The following PARVB variants were observed in gnomAD, a reference collection of about 807,000 sequenced individuals.
PARVB encodes the protein parvin beta, also known as beta-parvin.
Under a neutral mutation model 47.0 loss-of-function variants are expected in PARVB, and 46 were observed. That is an observed-to-expected ratio of 0.98 (90% CI 0.77 to 1.25). The LOEUF is 1.25. Among genes scored for constraint, PARVB ranks in the 50% most tolerant of loss-of-function variants. The pLI is 0.00. For synonymous variants in PARVB, 196 were observed against 196.3 expected (o/e 1.00, Z 0.01); for missense variants, 473 against 471.6 (o/e 1.00, Z -0.03).
chr22:44,021,270 G>C (rs2050644852), upstream of PARVB, among the ~76,000 whole-genome samples: 1 of 152,176 alleles, frequency 6.6e-6, no homozygotes, highest in East Asian at 1.9e-4. Flanking sequence ...CTGAAATGGG[G>C]GTCCCGTGAC....
intron 1 of PARVB, among the ~76,000 whole-genome samples, chr22:44,037,349 G>A (rs1234953317): frequency 6.6e-6 from 1 of 152,160 alleles, no homozygotes; most frequent in Non-Finnish European, 1.5e-5. Context: ...CTTGAGCCTG[G>A]GAGGTGGAGG....
At chr22:44,084,572 C>T (rs986002471) in intron 1 of PARVB, among the ~76,000 whole-genome samples, 11 of 152,220 alleles carry the variant, frequency 7.2e-5, no homozygotes, top group Admixed American at 1.3e-4. Flanking sequence ...GGTCTGGCAT[C>T]TTGGTTCTTT....
chr22:44,057,100 T>C (rs1248107981), intron 1 of PARVB, among the ~76,000 whole-genome samples: 2 of 151,988 alleles, frequency 1.3e-5, no homozygotes, highest in Non-Finnish European at 2.9e-5. Flanking sequence ...TCTTTTTTTT[T>C]TGTCCTGCGT....
At chr22:44,022,550 C>T (rs1330433169), upstream of PARVB, among the ~76,000 whole-genome samples, 4 of 152,006 alleles carry the variant, frequency 2.6e-5, no homozygotes, top group Non-Finnish European at 5.9e-5. Flanking sequence ...CTGGCACCAA[C>T]TTGACCAACA....
At chr22:44,071,953 G>A (rs1363172956) in intron 1 of PARVB, among the ~76,000 whole-genome samples, 1 of 152,210 alleles carries the variant, frequency 6.6e-6, no homozygotes, top group African/African-American at 2.4e-5. Flanking sequence ...CTGCGTCTCT[G>A]CCAGTTGCTG....
intron 1 of PARVB, among the ~76,000 whole-genome samples, chr22:44,084,584 C>A (rs549483108): frequency 2.6e-5 from 4 of 152,180 alleles, no homozygotes; most frequent in Non-Finnish European, 5.9e-5. Flanking sequence ...TGGTTCTTTC[C>A]GCTGCGTTCT....
At chr22:44,073,856 A>G (rs1005694844) in intron 1 of PARVB, among the ~76,000 whole-genome samples, 2 of 152,226 alleles carry the variant, frequency 1.3e-5, no homozygotes, top group Admixed American at 6.5e-5. Context: ...TGCACACAGG[A>G]GATCCTCAAA....
At position 44,151,540 on chromosome 22, in the gene PARVB, C is replaced by G; in HGVS notation, c.832C>G (p.Leu278Val). The change falls in exon 10 of 13, where the codon CTG (leucine) becomes GTG (valine). Residue 278 changes from leucine (L) to valine (V), a missense_variant. Leu to Val is a conservative substitution (Grantham distance 32, BLOSUM62 1). Transcript: ENST00000338758. ...CAAGCTGAATTTGGAGGTGACGGAA[C>G]TGGAGACCCAGGTATGTGCTGCTTT... is the stretch of plus-strand genomic sequence containing the variant. ...LNKLNLEVTE[L>V]ETQFADGVYL... The G allele has an allele frequency of 6.2e-7, 1 of 1,613,170 alleles. No individual in the cohort carries two copies. The highest frequency in any genetic ancestry group is 8.5e-7 in the Non-Finnish European group (1 of 1,179,144).
At chr22:44,081,483 C>A in intron 1 of PARVB, 1 of 353,490 alleles carries the variant, frequency 2.8e-6, no homozygotes, top group Non-Finnish European at 4.0e-6. Flanking sequence ...ATTTTCTCAG[C>A]AGACAACGCT....
At position 44,089,588 on chromosome 22, in the gene PARVB, C is replaced by T. The variant is rs1366112293; in HGVS notation, c.113-4340C>T. 1 of 150,970 alleles carries T rather than the reference C, an allele frequency of 6.6e-6. No homozygotes were observed. Among genetic ancestry groups the T allele is most frequent in the East Asian group, 2.0e-4 (1 of 5,104 alleles). 9.4% of individuals were successfully genotyped at this position (150,970 alleles called of 1,614,324 possible). On this transcript the variant is annotated intron_variant, in intron 1 of 12. Coordinates refer to ENST00000338758, the MANE Select transcript of PARVB (RefSeq NM_013327.5). The surrounding 1 kb of genome is among the most constrained non-coding windows in gnomAD (Gnocchi z 4.0). ...AAACATTCCTGGGATTCACTGAAAG[C>T]CAGTAAACTGGCACCGTTCAGGTGG... is the stretch of plus-strand genomic sequence containing the variant.
At chr22:44,123,065 C>G (rs1305261111) in intron 4 of PARVB, among the ~76,000 whole-genome samples, 1 of 152,236 alleles carries the variant, frequency 6.6e-6, no homozygotes, top group East Asian at 1.9e-4. Flanking sequence ...TTCTGAGAGG[C>G]TTCACCTCTC....
At chr22:44,044,839 T>C (rs1193284526) in intron 1 of PARVB, among the ~76,000 whole-genome samples, 1 of 152,178 alleles carries the variant, frequency 6.6e-6, no homozygotes, top group Non-Finnish European at 1.5e-5. Flanking sequence ...GTAAGAAATA[T>C]ATTTCCATAA....
intron 12 of PARVB, chr22:44,168,379 TC>T: frequency 1.9e-6 from 1 of 521,756 alleles, no homozygotes; most frequent in South Asian, 2.1e-5. Flanking sequence ...CAGGTGCCTG[TC>T]CCCGCAGGGT....
At chr22:44,075,392 G>A (rs1024054810) in intron 1 of PARVB, among the ~76,000 whole-genome samples, 2 of 152,198 alleles carry the variant, frequency 1.3e-5, no homozygotes, top group African/African-American at 2.4e-5. Flanking sequence ...GCCCCACCAC[G>A]CACACTATCA....
chr22:44,119,206 A>T, intron 4 of PARVB, 66 bp downstream of exon 4: 2 of 1,114,208 alleles, frequency 1.8e-6, no homozygotes, highest in Non-Finnish European at 2.8e-6. Flanking sequence ...GGGCTGGGCC[A>T]GGATTCTCTG....
intron 1 of PARVB, chr22:44,069,131 C>T (rs1227799738): frequency 1.2e-6 from 2 of 1,612,450 alleles, no homozygotes; most frequent in Non-Finnish European, 1.7e-6. Flanking sequence ...TGCTGGTCTG[C>T]AGAGCTGCCG....
intron 2 of PARVB, among the ~76,000 whole-genome samples, chr22:44,094,657 C>G (rs1345664765): frequency 6.6e-6 from 1 of 151,610 alleles, no homozygotes; most frequent in Non-Finnish European, 1.5e-5. Flanking sequence ...GCCCACCTAA[C>G]TTTTTAATTT....
At chr22:44,021,253 ACTC>A (rs1275379645), upstream of PARVB, among the ~76,000 whole-genome samples, 1 of 151,988 alleles carries the variant, frequency 6.6e-6, no homozygotes, top group Non-Finnish European at 1.5e-5. Flanking sequence ...GGGAGGCTGG[ACTC>A]CTCCTGAAAT....
At chr22:44,132,720 T>C (rs963369467) in intron 5 of PARVB, among the ~76,000 whole-genome samples, 174 bp from the exon 6 acceptor site, 1 of 152,210 alleles carries the variant, frequency 6.6e-6, no homozygotes, top group South Asian at 2.1e-4. Flanking sequence ...ACAGTGAAGC[T>C]AGAAGTAAAT....
Sources: gnomAD v4.1 joint callset for allele counts (sites outside exome capture counted in the v4.1 genomes callset) on GRCh38, gnomAD v4.1.1 for gene constraint, Gnocchi (gnomAD v3.1) non-coding constraint, MANE v1.5 for transcripts, NCBI Gene and HGNC (gene_info 2026-07-23, HGNC 2026-07-21) for gene names.